Variants in CD247 observed in about 807,000 individuals in gnomAD.
CD247 encodes T-cell surface glycoprotein CD3 zeta chain.
A neutral mutation model predicts 30.0 loss-of-function variants in CD247; 13 were observed. That is an observed-to-expected ratio of 0.43 (90% confidence interval 0.28 to 0.69). The LOEUF is 0.69. Ranked by LOEUF, CD247 falls within the 30% of genes least tolerant of loss-of-function variation. The pLI is 0.16. For synonymous variants in CD247, 72 were observed against 80.0 expected (o/e 0.90, Z 0.53); for missense variants, 193 against 212.6 (o/e 0.91, Z 0.57).
intron 1 of CD247, among the ~76,000 whole-genome samples, chr1:167,500,129 T>G (rs760445215): frequency 1.2e-4 from 19 of 152,230 alleles, no homozygotes; most frequent in Non-Finnish European, 2.5e-4. Flanking sequence ...ATGGAAACGC[T>G]GAACCCAACT....
intron 1 of CD247, among the ~76,000 whole-genome samples, chr1:167,499,000 G>GGATC (rs1272397634): frequency 1.3e-5 from 2 of 152,160 alleles, no homozygotes; most frequent in African/African-American, 2.4e-5. Flanking sequence ...GCTTAGCAGT[G>GGATC]GATCAATTGC....
chr1:167,501,237 T>G (rs1654893450), intron 1 of CD247, among the ~76,000 whole-genome samples: 1 of 151,844 alleles, frequency 6.6e-6, no homozygotes, highest in East Asian at 1.9e-4. Flanking sequence ...TTTTTTTTTT[T>G]CAGTAGAGAC....
chr1:167,506,277 CTTTTCTTTTCTTTTTTCTTTT>C (rs1655123408), intron 1 of CD247, among the ~76,000 whole-genome samples: 1 of 13,900 alleles, frequency 7.2e-5, no homozygotes, highest in African/African-American at 4.1e-4. Flanking sequence ...TTTTCCTTTT[CTTTTCTTTTCTTTTTTCTTTT>C]CTTTTCCTTT....
intron 1 of CD247, among the ~76,000 whole-genome samples, chr1:167,505,835 C>T (rs1216616410): frequency 6.6e-6 from 1 of 152,228 alleles, no homozygotes; most frequent in African/African-American, 2.4e-5. Context: ...ACAGGATGAG[C>T]TAAGGTGGCC....
chr1:167,466,665 C>T (rs1410612719), intron 1 of CD247, among the ~76,000 whole-genome samples: 1 of 152,106 alleles, frequency 6.6e-6, no homozygotes, highest in African/African-American at 2.4e-5. Flanking sequence ...TATATACATA[C>T]GTGTGTGTAA....
chr1:167,506,232 TTTCTTTTCTTTTCC>T (rs1483427018), intron 1 of CD247, among the ~76,000 whole-genome samples: 3 of 59,862 alleles, frequency 5.0e-5, no homozygotes, highest in African/African-American at 1.9e-4. Flanking sequence ...TTTCTTTTCT[TTTCTTTTCTTTTCC>T]TTTTCTTTTC....
chr1:167,506,883 T>C (rs1655158648), intron 1 of CD247, among the ~76,000 whole-genome samples: 1 of 148,038 alleles, frequency 6.8e-6, no homozygotes, highest in East Asian at 2.0e-4. Context: ...TTATTGTATG[T>C]TCCCTCTGAT....
chr1:167,483,015 T>TCTTTCTTTCTTTCTTTCTTTCTTTCTTTC (rs201265842), intron 1 of CD247, among the ~76,000 whole-genome samples: 255 of 139,606 alleles, frequency 1.8e-3, no homozygotes, highest in South Asian at 4.4e-3. Flanking sequence ...TTTCTTTCTT[T>TCTTTCTTTCTTTCTTTCTTTCTTTCTTTC]TTTTTTTTTT....
chr1:167,499,972 A>G (rs780177846), intron 1 of CD247, among the ~76,000 whole-genome samples: 7 of 152,182 alleles, frequency 4.6e-5, no homozygotes, highest in Non-Finnish European at 7.4e-5. Context: ...CCTGACGACA[A>G]TCACACACAC....
intron 1 of CD247, among the ~76,000 whole-genome samples, chr1:167,464,872 G>C (rs969541129): frequency 6.6e-6 from 1 of 152,160 alleles, no homozygotes; most frequent in East Asian, 1.9e-4. Flanking sequence ...CCCCAAGATC[G>C]CACTATTTAT....
chr1:167,502,027 C>A (rs764037642), intron 1 of CD247, among the ~76,000 whole-genome samples: 3 of 152,192 alleles, frequency 2.0e-5, no homozygotes, highest in Admixed American at 6.5e-5. Context: ...CCTTCTGACA[C>A]GCATTTATTC....
chr1:167,445,236 C>T (rs1283800896), intron 1 of CD247, among the ~76,000 whole-genome samples: 1 of 152,034 alleles, frequency 6.6e-6, no homozygotes, highest in Non-Finnish European at 1.5e-5. Flanking sequence ...AAATATGATA[C>T]TTCTTATGGG....
chr1:167,500,786 A>T (rs114187767), intron 1 of CD247, among the ~76,000 whole-genome samples: 3,620 of 152,320 alleles, frequency 0.024, 69 homozygotes, highest in Middle Eastern at 0.082. Context: ...ATTTCACTCT[A>T]GTAAGAGGGT....
intron 1 of CD247, among the ~76,000 whole-genome samples, chr1:167,485,325 G>A (rs858555): frequency 0.33 from 50,919 of 152,040 alleles, 9,566 homozygotes; most frequent in Admixed American, 0.47. Context: ...GTGGCCTGGC[G>A]CTGCGTCTGG....
chr1:167,458,173 C>G (rs943390645), intron 1 of CD247, among the ~76,000 whole-genome samples: 2 of 152,240 alleles, frequency 1.3e-5, no homozygotes, highest in South Asian at 4.1e-4. Context: ...GCTCAGCGAT[C>G]CAGTGTTCAA....
chr1:167,493,343 A>G (rs887691150), intron 1 of CD247, among the ~76,000 whole-genome samples: 2 of 152,132 alleles, frequency 1.3e-5, no homozygotes, highest in Admixed American at 6.5e-5. Context: ...GCACCTGGCC[A>G]GTTTTTCTCC....
At chr1:167,517,580 A>T (rs1206461877) in intron 1 of CD247, among the ~76,000 whole-genome samples, 1 of 152,226 alleles carries the variant, frequency 6.6e-6, no homozygotes, top group Non-Finnish European at 1.5e-5. Context: ...GGTGAGGAGC[A>T]AGCACTCTTG....
intron 1 of CD247, chr1:167,459,705 C>T (rs1022212134): frequency 2.6e-5 from 4 of 152,148 alleles, no homozygotes; most frequent in African/African-American, 7.2e-5. Context: ...TGTAGAGATA[C>T]TTCCTGAAAT....
chr1:167,431,087 C>T lies in CD247; in HGVS notation c.*594G>A. 4.7e-6 allele frequency: 2 copies of T among 424,268 alleles called. No homozygotes were observed. The highest frequency in any genetic ancestry group is 8.3e-6 in the Non-Finnish European group (2 of 240,382). 26.3% of individuals were successfully genotyped at this position (424,268 alleles called of 1,614,324 possible). The stretch of plus-strand genomic sequence containing the variant: ...GGGAGGCTCCCGCTGCCCTCGCAGG[C>T]CCTGGCTGACCCTCCCCTGCCCGCC... On this transcript the variant is annotated 3_prime_UTR_variant, in exon 8 of 8. Coordinates refer to ENST00000362089, the MANE Select transcript of CD247 (RefSeq NM_198053.3).
Sources: gnomAD v4.1 joint callset for allele counts (sites outside exome capture counted in the v4.1 genomes callset) on GRCh38, gnomAD v4.1.1 for gene constraint, MANE v1.5 for transcripts, NCBI Gene and HGNC (gene_info 2026-07-23, HGNC 2026-07-21) for gene names.